Variants in MAP2K5 observed in about 807,000 individuals in gnomAD.
The protein encoded by MAP2K5 is dual specificity mitogen-activated protein kinase kinase 5.
Under a neutral mutation model 83.1 loss-of-function variants are expected in MAP2K5, and 49 were observed. The ratio of observed to expected loss-of-function variants is 0.59; its 90% confidence interval spans 0.47 to 0.75. The LOEUF (loss-of-function observed/expected upper bound fraction) is 0.75, where lower values mean the gene tolerates loss of function less well. Ranked by LOEUF, MAP2K5 falls within the 30% of genes least tolerant of loss-of-function variation. The pLI is 0.00. For synonymous variants in MAP2K5, 202 were observed against 191.8 expected, an observed-to-expected ratio of 1.05 and a Z score of -0.44; for missense variants, 457 against 557.5, an observed-to-expected ratio of 0.82 and a Z score of 1.82.
intron 21 of MAP2K5, among the ~76,000 whole-genome samples, chr15:67,799,899 G>A (rs989971332): frequency 7.9e-5 from 12 of 152,130 alleles, no homozygotes; most frequent in African/African-American, 2.4e-4. Flanking sequence ...AGGGCTGACC[G>A]ACTCTTAGCC....
At chr15:67,623,892 C>T (rs1483884626) in intron 8 of MAP2K5, among the ~76,000 whole-genome samples, 8 of 151,788 alleles carry the variant, frequency 5.3e-5, no homozygotes, top group African/African-American at 7.3e-5. Flanking sequence ...CCACCGCCCC[C>T]GGCTACTTCC....
intron 8 of MAP2K5, among the ~76,000 whole-genome samples, chr15:67,626,971 C>T (rs2086339858): frequency 6.6e-6 from 1 of 150,856 alleles, no homozygotes; most frequent in Non-Finnish European, 1.5e-5. Flanking sequence ...CTCGCTCTGT[C>T]ACCCGGGCTG....
chr15:67,575,922 T>TCTTTCTTTTTTTCTTTCTTTC (rs56896938), intron 3 of MAP2K5, among the ~76,000 whole-genome samples: 1 of 58,398 alleles, frequency 1.7e-5, no homozygotes, highest in Admixed American at 1.6e-4. Context: ...CTTTCTTTTT[T>TCTTTCTTTTTTTCTTTCTTTC]TTTTTTTTTT....
intron 8 of MAP2K5, among the ~76,000 whole-genome samples, chr15:67,608,932 G>C (rs1245687897): frequency 6.6e-6 from 1 of 152,174 alleles, no homozygotes; most frequent in Non-Finnish European, 1.5e-5. Flanking sequence ...ACCTACTGTA[G>C]GCACTTAGTG....
chr15:67,597,349 A>G (rs2085549586), intron 7 of MAP2K5, among the ~76,000 whole-genome samples: 2 of 152,182 alleles, frequency 1.3e-5, no homozygotes, highest in South Asian at 4.1e-4. Flanking sequence ...ATTGTTTACC[A>G]TCCTGTGGGC....
At chr15:67,569,755 C>T (rs970238749) in intron 3 of MAP2K5, among the ~76,000 whole-genome samples, 1 of 152,162 alleles carries the variant, frequency 6.6e-6, no homozygotes, top group Non-Finnish European at 1.5e-5. Flanking sequence ...CACCAGGGCA[C>T]TCTGGGGACC....
chr15:67,713,148 C>T (rs536576622), intron 16 of MAP2K5, among the ~76,000 whole-genome samples: 2 of 151,928 alleles, frequency 1.3e-5, no homozygotes, highest in African/African-American at 4.8e-5. Context: ...TTTTTTTTCC[C>T]CAAATGACAT....
In MAP2K5 at chr15:67,565,540, T is replaced by C. The variant is rs922948944; in HGVS notation, c.252+2190T>C. On this transcript the variant is annotated intron_variant, in intron 3 of 21. Coordinates refer to ENST00000178640, the MANE Select transcript of MAP2K5 (RefSeq NM_145160.3). This position sits in a 1 kb window ranked among gnomAD's most constrained non-coding sequence, Gnocchi z 4.1. ...ACTGTGCCCGGCCTGTCATCATCAT[T>C]ATTAAATTCTGAATAATTTGGGTTT... Among the ~76,000 whole-genome samples, 27 of 152,064 alleles carry C rather than the reference T, an allele frequency of 1.8e-4. No homozygotes were observed. Among genetic ancestry groups the C allele is most frequent in the Admixed American group, 1.5e-3 (23 of 15,284 alleles).
chr15:67,568,867 G>C (rs1049486083), intron 3 of MAP2K5, among the ~76,000 whole-genome samples: 1 of 151,714 alleles, frequency 6.6e-6, no homozygotes, highest in Admixed American at 6.6e-5. Context: ...TTAGCCGGGC[G>C]TGGTGGCATG....
intron 8 of MAP2K5, among the ~76,000 whole-genome samples, chr15:67,617,885 G>A (rs888772311): frequency 4.6e-5 from 7 of 151,996 alleles, no homozygotes; most frequent in Non-Finnish European, 7.4e-5. Flanking sequence ...TTGAGATGAG[G>A]TATCATCTAT....
chr15:67,593,572 T>A (rs1438117869), intron 7 of MAP2K5, among the ~76,000 whole-genome samples: 1 of 152,242 alleles, frequency 6.6e-6, no homozygotes, highest in Non-Finnish European at 1.5e-5. Context: ...TAGAGTGCTT[T>A]TAAACATACA....
intron 17 of MAP2K5, among the ~76,000 whole-genome samples, chr15:67,740,121 T>C (rs1339439006): frequency 6.6e-6 from 1 of 152,214 alleles, no homozygotes; most frequent in Non-Finnish European, 1.5e-5. Flanking sequence ...ATCTTAGCCC[T>C]GCTACTAGGT....
chr15:67,698,386 C>T lies in MAP2K5; in HGVS notation c.972+4818C>T, dbSNP rs1047276836. Among the ~76,000 whole-genome samples the T allele has an allele frequency of 4.6e-5, 7 of 151,994 alleles. No individual in the cohort carries two copies. The highest frequency in any genetic ancestry group is 2.1e-4 in the South Asian group (1 of 4,820). ...TATTTTTAGTAGAGATGGGGGGTTG[C>T]GCCATGTTGGCCATGCTGGTCTCGA... On this transcript the variant is annotated intron_variant, in intron 15 of 21. Coordinates refer to ENST00000178640, the MANE Select transcript of MAP2K5 (RefSeq NM_145160.3). The surrounding 1 kb of genome is among the most constrained non-coding windows in gnomAD (Gnocchi z 4.5).
At chr15:67,596,520 A>G (rs1238189775) in intron 7 of MAP2K5, among the ~76,000 whole-genome samples, 1 of 152,262 alleles carries the variant, frequency 6.6e-6, no homozygotes, top group African/African-American at 2.4e-5. Flanking sequence ...CTGTATCATT[A>G]CTAGTATATG....
intron 17 of MAP2K5, among the ~76,000 whole-genome samples, chr15:67,739,229 A>G (rs2089413083): frequency 2.0e-5 from 3 of 148,660 alleles, no homozygotes; most frequent in Non-Finnish European, 4.5e-5. Flanking sequence ...GTAATGAGCC[A>G]TGATCGTGCC....
rs771710035 is a variant in MAP2K5 at position 67,746,166 on chromosome 15, AG to A, written c.1075-2063del. Among the ~76,000 whole-genome samples, 1 of 152,212 alleles carries A rather than the reference AG, an allele frequency of 6.6e-6. No individual in the cohort carries two copies. Among genetic ancestry groups the A allele is most frequent in the Non-Finnish European group, 1.5e-5 (1 of 68,038 alleles). On this transcript the variant is annotated intron_variant, in intron 17 of 21. Coordinates refer to ENST00000178640, the MANE Select transcript of MAP2K5 (RefSeq NM_145160.3). This position sits in a 1 kb window ranked among gnomAD's most constrained non-coding sequence, Gnocchi z 4.1. ...AGAGACTTTAAGACCTCAGTTCATG[AG>A]GAAGTTTCCTCCCCTCAGTTAATCT...
At chr15:67,689,682 G>C (rs1359660563) in intron 13 of MAP2K5, among the ~76,000 whole-genome samples, 2 of 152,132 alleles carry the variant, frequency 1.3e-5, no homozygotes, top group East Asian at 3.8e-4. Context: ...ATGCAGTCAG[G>C]TTCTTATTTA....
At chr15:67,700,828 T>C (rs17302422) in intron 15 of MAP2K5, among the ~76,000 whole-genome samples, 21,782 of 151,708 alleles carry the variant, frequency 0.14, 1,644 homozygotes, top group East Asian at 0.22. Flanking sequence ...ATTGCAAGAA[T>C]AATTTCCCCA....
At position 67,703,368 on chromosome 15, in the gene MAP2K5, T is replaced by G; in HGVS notation, c.1004T>G (p.Ile335Ser). Residue 335 changes from isoleucine (I) to serine (S), a missense_variant, in exon 16 of 22, where the codon ATT becomes AGT. Transcript: ENST00000178640. ...AGGATTTCAGGGGAGCAGTATGGAA[T>G]TCATTCTGATGTCTGGAGCTTAGGA... ...PERISGEQYG[I>S]HSDVWSLGIS... is the part of the protein sequence containing the mutation. 6.2e-7 allele frequency: 1 copy of G among 1,613,836 alleles called. No homozygotes were observed. The highest frequency in any genetic ancestry group is 8.5e-7 in the Non-Finnish European group (1 of 1,179,734).
Sources: allele counts gnomAD v4.1 joint callset (sites outside exome capture counted in the v4.1 genomes callset), GRCh38; gene constraint gnomAD v4.1.1; non-coding constraint Gnocchi (gnomAD v3.1); transcripts MANE v1.5; gene names NCBI Gene and HGNC (gene_info 2026-07-23, HGNC 2026-07-21).